Variants in PDE3A observed in about 807,000 individuals in gnomAD.
PDE3A encodes the protein cGMP-inhibited 3',5'-cyclic phosphodiesterase 3A.
In PDE3A, 43 loss-of-function variants were observed where a neutral mutation model predicts 98.3. The ratio of observed to expected loss-of-function variants is 0.44; its 90% CI spans 0.34 to 0.56. The LOEUF (loss-of-function observed/expected upper bound fraction) is 0.56. Ranked by LOEUF, PDE3A falls within the 20% of genes least tolerant of loss-of-function variation. The pLI, the probability that PDE3A is intolerant of heterozygous loss-of-function variation, is 0.01. For missense variants in PDE3A, 1,427 were observed against 1,440.7 expected (o/e 0.99, Z 0.15); for synonymous variants, 663 against 567.9 (o/e 1.17, Z -2.38).
chr12:20,615,039 T>G (rs1943970498), intron 3 of PDE3A, among the ~76,000 whole-genome samples: 1 of 98,728 alleles, frequency 1.0e-5, no homozygotes, highest in Non-Finnish European at 2.1e-5. Context: ...TTTTTTTTTT[T>G]GAGACGGAGT....
In PDE3A at chr12:20,370,258, ACTC is replaced by A; in HGVS notation, c.960+18_960+20del. The A allele has an allele frequency of 6.6e-7, 1 of 1,506,842 alleles. No homozygotes were observed. Among genetic ancestry groups the A allele is most frequent in the South Asian group, 1.4e-5 (1 of 73,394 alleles). The allele number at this position is 1,506,842 out of a possible 1,614,324, so 93.3% of individuals were successfully genotyped here. ...CCGAGGGAACAGGTAAGCACTGGCAACTCCTCTCTCGGCTCTTGGAAACTTGAA... is the reference window on the plus strand; with the variant it reads ...CCGAGGGAACAGGTAAGCACTGGCAACTCTCTCGGCTCTTGGAAACTTGAA... On this transcript the variant is annotated intron_variant, in intron 1 of 15. Coordinates refer to ENST00000359062, the MANE Select transcript of PDE3A (RefSeq NM_000921.5).
chr12:20,534,254 T>C (rs900520355), intron 1 of PDE3A, among the ~76,000 whole-genome samples: 1 of 152,346 alleles, frequency 6.6e-6, no homozygotes, highest in South Asian at 2.1e-4. Context: ...CTCTCTTACA[T>C]AACCTGTGCC....
chr12:20,388,937 T>G (rs1490798956), intron 1 of PDE3A, among the ~76,000 whole-genome samples: 1 of 152,084 alleles, frequency 6.6e-6, no homozygotes, highest in Non-Finnish European at 1.5e-5. Flanking sequence ...CTTTTTCATT[T>G]GAAGAGCTGT....
intron 1 of PDE3A, among the ~76,000 whole-genome samples, chr12:20,417,657 T>C (rs916725063): frequency 2.0e-5 from 3 of 152,218 alleles, no homozygotes; most frequent in Non-Finnish European, 4.4e-5. Context: ...AGCCTTGTGA[T>C]TGCCCTATTA....
chr12:20,677,710 C>T (rs1945677374), intron 15 of PDE3A, among the ~76,000 whole-genome samples: 1 of 152,174 alleles, frequency 6.6e-6, no homozygotes. Flanking sequence ...CTGCCTGTCT[C>T]AGCCTTCCAA....
At chr12:20,649,771 C>T (rs1444723771) in intron 13 of PDE3A, among the ~76,000 whole-genome samples, 1 of 151,922 alleles carries the variant, frequency 6.6e-6, no homozygotes, top group East Asian at 1.9e-4. Flanking sequence ...ACTAAAAATA[C>T]AAAAATTGGC....
chr12:20,619,635 T>A (rs949096938), intron 4 of PDE3A, among the ~76,000 whole-genome samples: 2 of 152,106 alleles, frequency 1.3e-5, no homozygotes, highest in African/African-American at 4.8e-5. Flanking sequence ...TTCAGCTCAT[T>A]ATTTCCTAAA....
intron 15 of PDE3A, among the ~76,000 whole-genome samples, chr12:20,655,488 T>C (rs1169000730): frequency 1.3e-5 from 2 of 152,266 alleles, no homozygotes; most frequent in Admixed American, 1.3e-4. Flanking sequence ...CATGGGTTCT[T>C]AGTTGCTGTT....
intron 15 of PDE3A, among the ~76,000 whole-genome samples, chr12:20,673,945 C>T (rs1412128425): frequency 6.6e-6 from 1 of 152,134 alleles, no homozygotes; most frequent in Non-Finnish European, 1.5e-5. Flanking sequence ...ATTAATACTT[C>T]AGATCCATGA....
intron 1 of PDE3A, among the ~76,000 whole-genome samples, chr12:20,542,449 AC>A (rs1941941754): frequency 5.5e-5 from 2 of 36,382 alleles, no homozygotes; most frequent in Non-Finnish European, 1.9e-4. Context: ...ACACACACAC[AC>A]ACACACACAC....
At position 20,656,912 on chromosome 12, in the gene PDE3A, T is replaced by G. The variant is rs1246556344; in HGVS notation, c.3184+2707T>G. Among the ~76,000 whole-genome samples, 5 of 152,288 alleles carry G rather than the reference T, an allele frequency of 3.3e-5. No homozygotes were observed. In the East Asian group the frequency reaches 9.7e-4, roughly 29 times the overall value. On this transcript the variant is annotated intron_variant, in intron 15 of 15. Coordinates refer to ENST00000359062, the MANE Select transcript of PDE3A (RefSeq NM_000921.5). The stretch of plus-strand genomic sequence containing the variant: ...AGCAGCAAATGCTACAACCACATAT[T>G]CCATTTCTTTCTGTTCTGTAGGGTT...
At chr12:20,455,289 C>A (rs1176113854) in intron 1 of PDE3A, among the ~76,000 whole-genome samples, 2 of 152,040 alleles carry the variant, frequency 1.3e-5, no homozygotes, top group Non-Finnish European at 2.9e-5. Context: ...ATGTTCTTTG[C>A]CCACTTTTTA....
intron 1 of PDE3A, among the ~76,000 whole-genome samples, chr12:20,512,200 T>A (rs553366729): frequency 3.3e-5 from 5 of 152,078 alleles, no homozygotes; most frequent in African/African-American, 9.6e-5. Flanking sequence ...GTCCATTAGT[T>A]ATAACAATTG....
intron 2 of PDE3A, among the ~76,000 whole-genome samples, chr12:20,606,541 GT>G (rs1943713297): frequency 1.3e-5 from 2 of 152,024 alleles, no homozygotes; most frequent in South Asian, 2.1e-4. Flanking sequence ...CAATGTCAAA[GT>G]TTTTGCCCAC....
At chr12:20,438,023 A>G (rs771510979) in intron 1 of PDE3A, among the ~76,000 whole-genome samples, 28 of 151,638 alleles carry the variant, frequency 1.8e-4, no homozygotes, top group Non-Finnish European at 3.1e-4. Context: ...TCATTTTGTT[A>G]CAATTGTCTT....
chr12:20,371,017 A>G (rs1284772545), intron 1 of PDE3A, among the ~76,000 whole-genome samples: 3 of 152,230 alleles, frequency 2.0e-5, no homozygotes, highest in African/African-American at 7.2e-5. Flanking sequence ...ACTTAAGTGG[A>G]TATTTATAAA....
rs76976785 is a variant in PDE3A at position 20,642,608 on chromosome 12, C to A, written c.2251+2651C>A. ...TCTCTAAAGCATATTCTCCCTAACA[C>A]CTCTCATTCTGATTTAAGTTTGAGA... On this transcript the variant is annotated intron_variant, in intron 10 of 15. Coordinates refer to ENST00000359062, the MANE Select transcript of PDE3A (RefSeq NM_000921.5). Among the ~76,000 whole-genome samples, 31 of 152,286 alleles carry A rather than the reference C, an allele frequency of 2.0e-4. No individual in the cohort carries two copies. The East Asian group carries it at 5.4e-3, about 27-fold the overall frequency.
chr12:20,430,438 A>G (rs11045242), intron 1 of PDE3A, among the ~76,000 whole-genome samples: 10,442 of 152,218 alleles, frequency 0.069, 428 homozygotes, highest in East Asian at 0.2. Context: ...TTAGTTCCTG[A>G]TAAACATCAT....
At chr12:20,385,346 G>A (rs1943735989) in intron 1 of PDE3A, among the ~76,000 whole-genome samples, 1 of 151,930 alleles carries the variant, frequency 6.6e-6, no homozygotes, top group Non-Finnish European at 1.5e-5. Flanking sequence ...TGGTGGGACT[G>A]TAAACTAGTT....
Sources: allele counts gnomAD v4.1 joint callset (sites outside exome capture counted in the v4.1 genomes callset), GRCh38; gene constraint gnomAD v4.1.1; transcripts MANE v1.5; gene names NCBI Gene and HGNC (gene_info 2026-07-23, HGNC 2026-07-21).